Variants in CCDC178 observed in about 807,000 individuals in gnomAD.
The protein encoded by CCDC178 is coiled-coil domain-containing protein 178.
A neutral mutation model predicts 117.4 loss-of-function variants in CCDC178; 126 were observed. That is an observed-to-expected ratio of 1.07 (90% CI 0.93 to 1.24). CCDC178 has a LOEUF of 1.24. Among genes scored for constraint, CCDC178 ranks in the 50% most tolerant of loss-of-function variants. The probability of loss-of-function intolerance (pLI) is 0.00; values close to 1 mark genes in which losing one functional copy is unlikely to be tolerated. For synonymous variants in CCDC178, 283 were observed against 313.4 expected (o/e 0.90, Z 1.02); for missense variants, 1,030 against 986.9 (o/e 1.04, Z -0.59).
intron 3 of CCDC178, among the ~76,000 whole-genome samples, chr18:33,399,604 CA>C (rs982951793): frequency 6.6e-5 from 10 of 152,156 alleles, no homozygotes; most frequent in Non-Finnish European, 1.2e-4. Context: ...TGCTCATTCC[CA>C]AGAAGCAACT....
chr18:33,218,233 G>C lies in CCDC178; in HGVS notation c.1933-2538C>G, dbSNP rs78751894. On this transcript the variant is annotated intron_variant, in intron 18 of 22. Transcript: ENST00000383096. ...TATTACTAGGTTAAAAACAATATTG[G>C]CTGCTTAAATGTCTTCCTTTGAGAA... Among the ~76,000 whole-genome samples the C allele has an allele frequency of 1.5e-3, 225 of 152,112 alleles. 2 individuals carry two copies. The East Asian group carries it at 0.021, about 14-fold the overall frequency.
rs61298209 is a variant in CCDC178, at chr18:33,394,943, GTATATATATATATATATA to G, written c.118+2188_118+2205del. Among the ~76,000 whole-genome samples, 56 of 61,506 alleles carry G rather than the reference GTATATATATATATATATA, an allele frequency of 9.1e-4. 2 individuals are homozygous for G. The highest frequency in any genetic ancestry group is 0.015 in the Middle Eastern group (1 of 66). 40.4% of individuals were successfully genotyped at this position (61,506 alleles called of 152,430 possible). On this transcript the variant is annotated intron_variant, in intron 4 of 22. Coordinates refer to ENST00000383096, the MANE Select transcript of CCDC178 (RefSeq NM_001105528.4). ...ACTTTAAAAGCCTGTATATGTATGT[GTATATATATATATATATA>G]TATATATATATATATATATATATAT...
At chr18:33,108,908 T>C (rs2057742847) in intron 20 of CCDC178, among the ~76,000 whole-genome samples, 1 of 151,668 alleles carries the variant, frequency 6.6e-6, no homozygotes, top group African/African-American at 2.4e-5. Flanking sequence ...TATAAAAAAA[T>C]TCAGCAAATA....
chr18:33,244,184 A>T (rs2059520219), intron 15 of CCDC178, among the ~76,000 whole-genome samples: 1 of 152,038 alleles, frequency 6.6e-6, no homozygotes, highest in African/African-American at 2.4e-5. Context: ...TTCATTGACG[A>T]TAATGCTAGC....
chr18:33,358,517 TG>T (rs1262409867), intron 6 of CCDC178, among the ~76,000 whole-genome samples: 1 of 151,842 alleles, frequency 6.6e-6, no homozygotes, highest in Non-Finnish European at 1.5e-5. Flanking sequence ...ATGATGGATA[TG>T]GTATGGCTGA....
intron 20 of CCDC178, among the ~76,000 whole-genome samples, chr18:33,209,616 G>A (rs1465937362): frequency 2.0e-5 from 3 of 152,004 alleles, no homozygotes; most frequent in East Asian, 1.9e-4. Context: ...AAATCACATC[G>A]TCTTTTCACC....
chr18:33,357,066 A>G (rs780816725), intron 6 of CCDC178, among the ~76,000 whole-genome samples: 1 of 152,026 alleles, frequency 6.6e-6, no homozygotes, highest in South Asian at 2.1e-4. Context: ...CCAATTACCA[A>G]TCAGGAAACC....
intron 12 of CCDC178, among the ~76,000 whole-genome samples, chr18:33,276,396 AGATTCAGAGTTGGCAGTTG>A (rs1002089861): frequency 8.5e-5 from 13 of 152,070 alleles, no homozygotes; most frequent in African/African-American, 2.7e-4. Context: ...ATCTAAGTGG[AGATTCAGAGTTGGCAGTTG>A]GATTCAGAGT....
chr18:33,249,187 A>G (rs375288994), intron 14 of CCDC178, among the ~76,000 whole-genome samples: 4 of 151,944 alleles, frequency 2.6e-5, no homozygotes, highest in Non-Finnish European at 5.9e-5. Flanking sequence ...AGATGAGTAG[A>G]TTGCAAAAAT....
chr18:33,421,032 G>T (rs1237946180), intron 2 of CCDC178, among the ~76,000 whole-genome samples: 1 of 152,144 alleles, frequency 6.6e-6, no homozygotes, highest in African/African-American at 2.4e-5. Flanking sequence ...GGAAGTGGGA[G>T]GGAGTCTATT....
chr18:33,075,314 T>C (rs2057184922), intron 21 of CCDC178, among the ~76,000 whole-genome samples: 2 of 152,288 alleles, frequency 1.3e-5, no homozygotes, highest in African/African-American at 2.4e-5. Flanking sequence ...TTTAGAGAGG[T>C]AGAAACATTT....
In CCDC178 at chr18:33,288,888, T is replaced by C. The variant is rs143649989; in HGVS notation, c.1176+4271A>G. On this transcript the variant is annotated intron_variant, in intron 12 of 22. Transcript: ENST00000383096. ...TGAAAATATGTGGCACATTCTGTTGTCCTGAGGTTGTTTCAGGTGGTTAGA... is the reference window on the plus strand; with the variant it reads ...TGAAAATATGTGGCACATTCTGTTGCCCTGAGGTTGTTTCAGGTGGTTAGA... Among the ~76,000 whole-genome samples the C allele has an allele frequency of 1.1e-4, 16 of 152,322 alleles. No individual in the cohort carries two copies. In the East Asian group the frequency reaches 2.5e-3, roughly 24 times the overall value.
rs138003245 is a variant in CCDC178 at position 33,096,904 on chromosome 18, T to C, written c.2239-3994A>G. Among the ~76,000 whole-genome samples the C allele has an allele frequency of 1.1e-3, 163 of 152,230 alleles. 1 individual carries two copies. The highest frequency in any genetic ancestry group is 3.4e-3 in the Middle Eastern group (1 of 294). On this transcript the variant is annotated intron_variant, in intron 20 of 22. Transcript: ENST00000383096. ...AGGAATGCAGTATTTACTGAATTTA[T>C]CCTTGTAGCAATGATCTGAGACTTT...
At chr18:33,373,880 T>C (rs1342648203) in intron 5 of CCDC178, among the ~76,000 whole-genome samples, 3 of 152,180 alleles carry the variant, frequency 2.0e-5, no homozygotes, top group Admixed American at 1.3e-4. Context: ...CTACCATCCA[T>C]GAAGGAGTAA....
In CCDC178 at chr18:33,370,069, A is replaced by G; in HGVS notation, c.329T>C (p.Ile110Thr). The G allele has an allele frequency of 6.3e-7, 1 of 1,593,184 alleles. No homozygotes were observed. Among genetic ancestry groups the G allele is most frequent in the South Asian group, 1.1e-5 (1 of 87,734 alleles). The change falls in exon 6 of 23, where the codon ATA (isoleucine) becomes ACA (threonine). Residue 110 changes from isoleucine (I) to threonine (T), a missense_variant. Coordinates refer to ENST00000383096, the MANE Select transcript of CCDC178 (RefSeq NM_001105528.4). Reference sequence around the variant, plus strand: ...TCTTACCCTTTTCAAATGCTCCTGTATTTTGGACTCCACATCTTGGATGTG... The same window carrying G: ...TCTTACCCTTTTCAAATGCTCCTGTGTTTTGGACTCCACATCTTGGATGTG... The part of the protein sequence containing the change: ...ISHIQDVESK[I>T]QEHLKRFETS...
chr18:33,083,799 T>C (rs998572218), intron 21 of CCDC178, among the ~76,000 whole-genome samples: 14 of 152,364 alleles, frequency 9.2e-5, no homozygotes, highest in African/African-American at 3.1e-4. Context: ...TTAATTTTCA[T>C]GTCAGCAAAT....
At chr18:33,247,773 T>C (rs1206116907) in intron 14 of CCDC178, among the ~76,000 whole-genome samples, 1 of 151,898 alleles carries the variant, frequency 6.6e-6, no homozygotes, top group African/African-American at 2.4e-5. Context: ...ATGTTGTGCA[T>C]GTTTATACAT....
At chr18:33,202,617 C>G (rs2059004778) in intron 20 of CCDC178, among the ~76,000 whole-genome samples, 1 of 152,106 alleles carries the variant, frequency 6.6e-6, no homozygotes, top group African/African-American at 2.4e-5. Flanking sequence ...CCTATTCCAT[C>G]AGTGCCTCAT....
chr18:32,954,375 A>G (rs1378809664), intron 22 of CCDC178: 1 of 152,154 alleles, frequency 6.6e-6, no homozygotes, highest in Non-Finnish European at 1.5e-5. Flanking sequence ...TATGTATCAT[A>G]TACACATGTT....
Sources: gnomAD v4.1 joint callset for allele counts (sites outside exome capture counted in the v4.1 genomes callset) on GRCh38, gnomAD v4.1.1 for gene constraint, MANE v1.5 for transcripts, NCBI Gene and HGNC (gene_info 2026-07-23, HGNC 2026-07-21) for gene names.